The following NKD2 variants were observed in gnomAD, a reference collection of about 807,000 sequenced individuals.
The protein encoded by NKD2 is protein naked cuticle homolog 2.
Under a neutral mutation model 34.8 loss-of-function variants are expected in NKD2, and 43 were observed. The ratio of observed to expected loss-of-function variants is 1.24; its 90% CI spans 0.97 to 1.60. The LOEUF is 1.60. NKD2 is among the 40% of genes most tolerant of loss of function. NKD2 has a pLI of 0.00. For missense variants in NKD2, 675 were observed against 627.1 expected (o/e 1.08, Z -0.82); for synonymous variants, 278 against 265.1 (o/e 1.05, Z -0.47).
At chr5:1,018,737 G>A (rs1418494825) in intron 3 of NKD2, among the ~76,000 whole-genome samples, 1 of 152,120 alleles carries the variant, frequency 6.6e-6, no homozygotes, top group Admixed American at 6.5e-5. Flanking sequence ...TCAGGACCCT[G>A]CCAGGCCTTG....
In NKD2 at chr5:1,009,221, G is replaced by T. The variant is rs566568088; in HGVS notation, c.61+7G>T. Reference sequence around the variant, plus strand: ...CGGAGAGAGAGCCCGGAAGGTGAGCGGGCGAGCCGACGGGCGGGGCGGGGG... The same window carrying T: ...CGGAGAGAGAGCCCGGAAGGTGAGCTGGCGAGCCGACGGGCGGGGCGGGGG... On this transcript the variant is annotated splice_region_variant and intron_variant, in intron 2 of 9. Coordinates refer to ENST00000296849, the MANE Select transcript of NKD2 (RefSeq NM_033120.4). The surrounding 1 kb of genome is among the most constrained non-coding windows in gnomAD (Gnocchi z 6.9). The T allele has an allele frequency of 5.9e-6, 3 of 512,286 alleles. No homozygotes were observed. The highest frequency in any genetic ancestry group is 4.0e-5 in the African/African-American group (2 of 49,470). 31.7% of individuals were successfully genotyped at this position (512,286 alleles called of 1,614,324 possible).
chr5:1,020,229 G>A (rs560968709), intron 3 of NKD2, among the ~76,000 whole-genome samples: 6 of 152,240 alleles, frequency 3.9e-5, no homozygotes, highest in East Asian at 1.9e-4. Flanking sequence ...ATAAAGTTTC[G>A]GCAGAGTTTA....
chr5:1,026,542 A>G lies in NKD2; in HGVS notation c.142-5610A>G, dbSNP rs79854373. 8.4e-3 allele frequency among the ~76,000 whole-genome samples: 323 copies of G among 38,382 alleles called. 18 individuals are homozygous for G. Among genetic ancestry groups the G allele is most frequent in the African/African-American group, 0.022 (278 of 12,454 alleles). The allele number at this position is 38,382 out of a possible 152,430, so 25.2% of individuals were successfully genotyped here. ...CCACCCGCTGTGGGTGTCCCAGCCCATTGTCCCTGCTCTTCCCACCCTCTG... is the reference window on the plus strand; with the variant it reads ...CCACCCGCTGTGGGTGTCCCAGCCCGTTGTCCCTGCTCTTCCCACCCTCTG... On this transcript the variant is annotated intron_variant, in intron 3 of 9. Transcript: ENST00000296849.
At chr5:1,036,414 G>A in intron 9 of NKD2, 30 bp downstream of exon 9, 1 of 1,594,686 alleles carries the variant, frequency 6.3e-7, no homozygotes, top group Non-Finnish European at 8.6e-7. Context: ...CTGGGCGTGA[G>A]GCCCTGGCTG....
Position 1,037,869 on chromosome 5 carries a change from C to G in NKD2, c.852C>G (p.Ser284=). The G allele has an allele frequency of 1.9e-6, 3 of 1,603,160 alleles. No individual in the cohort carries two copies. Among genetic ancestry groups the G allele is most frequent in the Non-Finnish European group, 2.5e-6 (3 of 1,178,402 alleles). ...QGRASHLQAR[S]RSQEPDTHAV... Reference sequence around the variant, plus strand: ...GGGCCTCGCACCTCCAGGCCCGGTCCCGCTCCCAGGAGCCAGATACACATG... The same window carrying G: ...GGGCCTCGCACCTCCAGGCCCGGTCGCGCTCCCAGGAGCCAGATACACATG... The change falls in exon 10 of 10, where the codon TCC becomes TCG. Residue 284 remains serine, a synonymous_variant. Transcript: ENST00000296849.
chr5:1,019,715 C>T (rs539354586), intron 3 of NKD2, among the ~76,000 whole-genome samples: 8 of 152,206 alleles, frequency 5.3e-5, no homozygotes, highest in African/African-American at 1.4e-4. Context: ...AGGACATCGA[C>T]GTTGCATGTT....
chr5:1,009,393 C>A lies in NKD2; in HGVS notation c.62-88C>A. On this transcript the variant is annotated intron_variant, in intron 2 of 9. Transcript: ENST00000296849. The surrounding 1 kb of genome is among the most constrained non-coding windows in gnomAD (Gnocchi z 6.9). ...GCGCGGTCTCCAGGCGATGGGGACA[C>A]AGCGAAGGCGCAGCGCCCGCGGGGC... 1 of 1,174,324 alleles carries A rather than the reference C, an allele frequency of 8.5e-7. No homozygotes were observed. The highest frequency in any genetic ancestry group is 1.2e-6 in the Non-Finnish European group (1 of 852,384). The allele number at this position is 1,174,324 out of a possible 1,614,324, so 72.7% of individuals were successfully genotyped here.
At position 1,034,865 on chromosome 5, in the gene NKD2, C is replaced by T. The variant is rs1560998973; in HGVS notation, c.536C>T (p.Pro179Leu). 1.2e-6 allele frequency: 2 copies of T among 1,612,526 alleles called. No homozygotes were observed. Among genetic ancestry groups the T allele is most frequent in the Non-Finnish European group, 8.5e-7 (1 of 1,179,834 alleles). Residue 179 changes from proline (P) to leucine (L), a missense_variant, in exon 7 of 10, where the codon CCC becomes CTC. Pro to Leu is a moderately conservative substitution (Grantham distance 98). Transcript: ENST00000296849. ...GTGAAGCTAACCGTCAGCCCTGAGC[C>T]CTCCAGCAAGAGGAAGGAGGGTCCT... ...LRVKLTVSPEPSSKRKEGPPA... is the reference protein window; with the variant it reads ...LRVKLTVSPELSSKRKEGPPA...
In NKD2 at chr5:1,034,229, C is replaced by G; in HGVS notation, c.331-6C>G. On this transcript the variant is annotated splice_polypyrimidine_tract_variant and splice_region_variant and intron_variant, in intron 5 of 9. Transcript: ENST00000296849. ...GCGAGGTCCCGGCCCCCACGTCCCC[C>G]CACAGGCACTCCAGTGCGATGTCTC... is the stretch of plus-strand genomic sequence containing the variant. 6.2e-7 allele frequency: 1 copy of G among 1,609,778 alleles called. No homozygotes were observed. Among genetic ancestry groups the G allele is most frequent in the Non-Finnish European group, 8.5e-7 (1 of 1,178,730 alleles).
intron 3 of NKD2, among the ~76,000 whole-genome samples, chr5:1,024,560 C>T (rs1164759322): frequency 1.0e-3 from 72 of 70,568 alleles, no homozygotes; most frequent in East Asian, 1.7e-3. Flanking sequence ...CCGCTGTGGG[C>T]GTCTCAGCCC....
At position 1,036,010 on chromosome 5, in the gene NKD2, A is replaced by G. The variant is rs372876062; in HGVS notation, c.660-247A>G. On this transcript the variant is annotated intron_variant, in intron 8 of 9. Coordinates refer to ENST00000296849, the MANE Select transcript of NKD2 (RefSeq NM_033120.4). ...GCCACTACAGCATGAGCCACTCCCT[A>G]GAGCACCTGCGGCTCTGGTGCCTGG... 5.4e-5 allele frequency: 43 copies of G among 793,778 alleles called. 2 individuals carry two copies. The African/African-American group carries it at 6.0e-4, about 11-fold the overall frequency. 49.2% of individuals were successfully genotyped at this position (793,778 alleles called of 1,614,324 possible).
At chr5:1,019,946 G>C (rs1179794577) in intron 3 of NKD2, among the ~76,000 whole-genome samples, 1 of 152,212 alleles carries the variant, frequency 6.6e-6, no homozygotes, top group Admixed American at 6.5e-5. Flanking sequence ...AGCCTCCTCT[G>C]AGTGGGGCGG....
intron 3 of NKD2, among the ~76,000 whole-genome samples, chr5:1,023,240 G>T (rs35895547): frequency 5.2e-5 from 1 of 19,342 alleles, no homozygotes; most frequent in African/African-American, 1.3e-4. Context: ...CTTCCCACCC[G>T]CTGTGGGCGT....
At position 1,034,274 on chromosome 5, in the gene NKD2, C is replaced by T. The variant is rs866064627; in HGVS notation, c.370C>T (p.Gln124Ter). 3.1e-6 allele frequency: 5 copies of T among 1,612,136 alleles called. No individual in the cohort carries two copies. Among genetic ancestry groups the T allele is most frequent in the Non-Finnish European group, 4.2e-6 (5 of 1,179,686 alleles). ...TGTCTCGGTGGAGGAGGACGACCGC[C>T]AGGAGTGGACGTTCACGCTCTATGA... ...CDVSVEEDDR[Q>*]EWTFTLYDFD... Residue 124 changes from glutamine (Q) to a stop codon, truncating the protein, a stop_gained, in exon 6 of 10, where the codon CAG becomes TAG. Coordinates refer to ENST00000296849, the MANE Select transcript of NKD2 (RefSeq NM_033120.4). LOFTEE classifies it high-confidence loss of function.
At chr5:1,036,487 GCCCCGCCCCCCCCCAA>G (rs1322386951) in intron 9 of NKD2, 103 bp downstream of exon 9, 5 of 675,158 alleles carry the variant, frequency 7.4e-6, no homozygotes, top group Non-Finnish European at 1.1e-5. Flanking sequence ...TCCCTGCCCT[GCCCCGCCCCCCCCCAA>G]CCCCCCCCAC....
chr5:1,028,575 G>C (rs972028571), intron 3 of NKD2, among the ~76,000 whole-genome samples: 1 of 152,142 alleles, frequency 6.6e-6, no homozygotes, highest in Non-Finnish European at 1.5e-5. Flanking sequence ...TGCCATGGGC[G>C]GGAGGGGACA....
intron 5 of NKD2, 80 bp from the exon 6 acceptor site, chr5:1,034,155 C>G: frequency 9.7e-7 from 1 of 1,029,734 alleles, no homozygotes; most frequent in Non-Finnish European, 1.5e-6. Context: ...GGAAAGGCCC[C>G]AGAAGATCCT....
intron 3 of NKD2, among the ~76,000 whole-genome samples, chr5:1,017,106 C>A (rs111271200): frequency 0.058 from 8,893 of 152,302 alleles, 749 homozygotes; most frequent in African/African-American, 0.19. Flanking sequence ...CAGAGCCGAC[C>A]CTATCCTACT....
At chr5:1,036,658 T>C (rs1457464191) in intron 9 of NKD2, 1 of 602,478 alleles carries the variant, frequency 1.7e-6, no homozygotes, top group African/African-American at 1.8e-5. Context: ...GGGTGCCTGG[T>C]TCAAAGTGAG....
Sources: gnomAD v4.1 joint callset for allele counts (sites outside exome capture counted in the v4.1 genomes callset) on GRCh38, gnomAD v4.1.1 for gene constraint, Gnocchi (gnomAD v3.1) non-coding constraint, MANE v1.5 for transcripts, NCBI Gene and HGNC (gene_info 2026-07-23, HGNC 2026-07-21) for gene names.